The following PRKN variants were observed in gnomAD, a reference collection of about 807,000 sequenced individuals.
The protein encoded by PRKN is E3 ubiquitin-protein ligase parkin.
A neutral mutation model predicts 59.5 loss-of-function variants in PRKN; 56 were observed. The ratio of observed to expected loss-of-function variants is 0.94; its 90% CI spans 0.76 to 1.18. The LOEUF (loss-of-function observed/expected upper bound fraction) is 1.18. PRKN is among the 50% of genes most tolerant of loss of function. The pLI is 0.00. For synonymous variants in PRKN, 250 were observed against 222.1 expected (o/e 1.13, Z -1.12); for missense variants, 657 against 596.4 (o/e 1.10, Z -1.06).
At chr6:161,590,077 C>T (rs1781663689) in intron 7 of PRKN, among the ~76,000 whole-genome samples, 1 of 152,032 alleles carries the variant, frequency 6.6e-6, no homozygotes. Flanking sequence ...GCGTGAGCCA[C>T]TGTGCCTGGG....
chr6:162,187,308 C>T (rs1784071143), intron 4 of PRKN, among the ~76,000 whole-genome samples: 1 of 152,152 alleles, frequency 6.6e-6, no homozygotes, highest in African/African-American at 2.4e-5. Context: ...ACAACTTGTA[C>T]AGGAGCCAAT....
chr6:161,855,169 T>C (rs1372710286), intron 6 of PRKN, among the ~76,000 whole-genome samples: 1 of 151,798 alleles, frequency 6.6e-6, no homozygotes, highest in Non-Finnish European at 1.5e-5. Context: ...TGGAGAACTT[T>C]GTAAAAATGC....
intron 5 of PRKN, among the ~76,000 whole-genome samples, chr6:162,009,259 C>G (rs1688373903): frequency 1.3e-5 from 2 of 151,274 alleles, no homozygotes; most frequent in South Asian, 4.2e-4. Context: ...TCTTGGAGAA[C>G]AAAGCAAAGA....
chr6:161,767,369 T>C (rs747473147), intron 7 of PRKN, among the ~76,000 whole-genome samples: 7 of 151,854 alleles, frequency 4.6e-5, no homozygotes, highest in Non-Finnish European at 8.8e-5. Context: ...AAAACAAAAT[T>C]AGTCGGGTGT....
chr6:162,121,175 T>C (rs1260900909), intron 4 of PRKN, among the ~76,000 whole-genome samples: 1 of 152,174 alleles, frequency 6.6e-6, no homozygotes, highest in African/African-American at 2.4e-5. Context: ...TTTGCAGAAA[T>C]GTTGATCATG....
intron 3 of PRKN, among the ~76,000 whole-genome samples, chr6:162,236,985 G>A (rs1224652655): frequency 6.6e-6 from 1 of 152,088 alleles, no homozygotes; most frequent in African/African-American, 2.4e-5. Context: ...GATGCCTGCA[G>A]ATCTTATGGT....
intron 2 of PRKN, among the ~76,000 whole-genome samples, chr6:162,343,759 A>G (rs950086164): frequency 3.3e-5 from 5 of 152,192 alleles, no homozygotes; most frequent in Non-Finnish European, 1.5e-5. Flanking sequence ...TTATAGAAGT[A>G]AAATAATAAT....
intron 1 of PRKN, among the ~76,000 whole-genome samples, chr6:162,711,053 C>T (rs764814177): frequency 6.6e-6 from 1 of 152,214 alleles, no homozygotes; most frequent in African/African-American, 2.4e-5. Flanking sequence ...GTTCCCATCA[C>T]GGATGGCCTG....
At chr6:162,222,253 G>C (rs1009270461) in intron 3 of PRKN, among the ~76,000 whole-genome samples, 1 of 152,082 alleles carries the variant, frequency 6.6e-6, no homozygotes, top group Non-Finnish European at 1.5e-5. Flanking sequence ...AAATACCAAA[G>C]ATAAAGGATT....
At chr6:162,616,055 A>AC (rs1782396845) in intron 1 of PRKN, among the ~76,000 whole-genome samples, 1 of 152,142 alleles carries the variant, frequency 6.6e-6, no homozygotes, top group Non-Finnish European at 1.5e-5. Flanking sequence ...TCACCCAGGA[A>AC]CCTCCTAACT....
chr6:161,712,796 C>G (rs1786804177), intron 7 of PRKN, among the ~76,000 whole-genome samples: 1 of 152,054 alleles, frequency 6.6e-6, no homozygotes, highest in South Asian at 2.1e-4. Context: ...AAAACAAAAA[C>G]AAAAACAAAA....
rs1237828135 is a variant in PRKN at position 161,897,702 on chromosome 6, C to A, written c.734+75600G>T. 2.7e-5 allele frequency among the ~76,000 whole-genome samples: 4 copies of A among 149,986 alleles called. No individual in the cohort carries two copies. In the South Asian group the frequency reaches 6.4e-4, roughly 24 times the overall value. On this transcript the variant is annotated intron_variant, in intron 6 of 11. Transcript: ENST00000366898. ...CATATAAAATGTCTCCCAGTTGCGG[C>A]CGGGCGCGGTGGCTCACGCCTGTAA...
intron 2 of PRKN, among the ~76,000 whole-genome samples, chr6:162,269,830 A>G (rs1004282342): frequency 2.6e-5 from 4 of 152,096 alleles, no homozygotes; most frequent in Admixed American, 2.6e-4. Context: ...ATACCATCTT[A>G]CTCCTGCAAG....
intron 2 of PRKN, among the ~76,000 whole-genome samples, chr6:162,354,027 C>T (rs535008991): frequency 5.9e-4 from 90 of 152,114 alleles, no homozygotes; most frequent in African/African-American, 2.0e-3. Flanking sequence ...TTTGACTATC[C>T]GAATATAACC....
chr6:161,750,977 G>C (rs556587906), intron 7 of PRKN, among the ~76,000 whole-genome samples: 1 of 152,154 alleles, frequency 6.6e-6, no homozygotes, highest in South Asian at 2.1e-4. Context: ...TGTAAAAACT[G>C]ATGGACTTTT....
At chr6:162,308,549 C>G (rs1782337870) in intron 2 of PRKN, among the ~76,000 whole-genome samples, 1 of 152,160 alleles carries the variant, frequency 6.6e-6, no homozygotes, top group Non-Finnish European at 1.5e-5. Context: ...ATTATTTCTG[C>G]TTCTGTTCTT....
At chr6:162,377,313 ACTGGG>A (rs1786164960) in intron 2 of PRKN, among the ~76,000 whole-genome samples, 1 of 152,180 alleles carries the variant, frequency 6.6e-6, no homozygotes, top group African/African-American at 2.4e-5. Flanking sequence ...GACAGAGAGG[ACTGGG>A]CTGGCATTAA....
At chr6:161,553,157 A>C (rs1011127428) in intron 8 of PRKN, among the ~76,000 whole-genome samples, 1 of 150,802 alleles carries the variant, frequency 6.6e-6, no homozygotes, top group Non-Finnish European at 1.5e-5. Context: ...ATCACCCTCC[A>C]TTGTCTTTTT....
At chr6:162,717,477 G>C (rs1374904694) in intron 1 of PRKN, among the ~76,000 whole-genome samples, 1 of 151,704 alleles carries the variant, frequency 6.6e-6, no homozygotes, top group Non-Finnish European at 1.5e-5. Context: ...CCAGCTATTC[G>C]GGAAGTTGAG....
Sources: gnomAD v4.1 joint callset for allele counts (sites outside exome capture counted in the v4.1 genomes callset) on GRCh38, gnomAD v4.1.1 for gene constraint, MANE v1.5 for transcripts, NCBI Gene and HGNC (gene_info 2026-07-23, HGNC 2026-07-21) for gene names.